Variants in CDH2 observed in about 807,000 individuals in gnomAD.
CDH2 encodes the protein cadherin 2, also known as cadherin-2.
A neutral mutation model predicts 92.0 loss-of-function variants in CDH2; 17 were observed. The ratio of observed to expected loss-of-function variants is 0.18; its 90% CI spans 0.13 to 0.28. The LOEUF (loss-of-function observed/expected upper bound fraction) is 0.28. CDH2 is among the 10% of genes least tolerant of loss of function. The pLI is 1.00. For missense variants in CDH2, 862 were observed against 1,133.1 expected, an observed-to-expected ratio of 0.76 and a Z score of 3.44; for synonymous variants, 419 against 415.9, an observed-to-expected ratio of 1.01 and a Z score of -0.09.
At chr18:28,135,812 T>A (rs1390533463) in intron 2 of CDH2, among the ~76,000 whole-genome samples, 1 of 152,156 alleles carries the variant, frequency 6.6e-6, no homozygotes, top group Non-Finnish European at 1.5e-5. Context: ...TTCATTAAGG[T>A]GGTCCATTAT....
At position 28,003,020 on chromosome 18, in the gene CDH2, C is replaced by T. The variant is rs1410496390; in HGVS notation, c.997G>A (p.Val333Met). The T allele has an allele frequency of 6.2e-7, 1 of 1,613,956 alleles. No homozygotes were observed. Among genetic ancestry groups the T allele is most frequent in the African/African-American group, 1.3e-5 (1 of 75,052 alleles). ...INNETGDIIT[V>M]AAGLDREKVQ... The stretch of plus-strand genomic sequence containing the variant: ...ACTTCTCGATCAAGTCCAGCTGCCA[C>T]TGTGATGATGTCACCAGTCTCATTG... The change falls in exon 7 of 16, where the codon GTG becomes ATG. Residue 333 changes from valine to methionine, a missense_variant. Physicochemically the swap from Val to Met is conservative, Grantham distance 21. Transcript: ENST00000269141.
At chr18:28,175,628 C>A (rs1038491230) in intron 1 of CDH2, among the ~76,000 whole-genome samples, 5 of 152,298 alleles carry the variant, frequency 3.3e-5, no homozygotes, top group Admixed American at 2.6e-4. Flanking sequence ...AGCACTCACC[C>A]CCCGGCGGGC....
At chr18:28,107,876 AG>A (rs1360630254) in intron 2 of CDH2, among the ~76,000 whole-genome samples, 1 of 152,202 alleles carries the variant, frequency 6.6e-6, no homozygotes, top group East Asian at 1.9e-4. Context: ...AAAGGAAAAA[AG>A]AAAAAAGAAA....
intron 2 of CDH2, among the ~76,000 whole-genome samples, chr18:28,121,850 G>A (rs577087628): frequency 2.0e-4 from 30 of 152,186 alleles, no homozygotes; most frequent in Admixed American, 9.2e-4. Context: ...CCCAAGCAGC[G>A]AAGTGAGCAG....
Position 27,952,113 on chromosome 18 carries a change from A to ATTGT in CDH2, c.*36_*39dup. ...ATGCTTTTTGGGAATATCAGTTGAA[A>ATTGT]TTGTTTGTACTTGTCCAAAAACCAA... On this transcript the variant is annotated 3_prime_UTR_variant, in exon 16 of 16. Transcript: ENST00000269141. 1.3e-6 allele frequency: 2 copies of ATTGT among 1,517,664 alleles called. No individual in the cohort carries two copies. Among genetic ancestry groups the ATTGT allele is most frequent in the Non-Finnish European group, 1.8e-6 (2 of 1,092,980 alleles). 94.0% of individuals were successfully genotyped at this position (1,517,664 alleles called of 1,614,324 possible).
At chr18:28,071,286 G>A (rs1357757107) in intron 2 of CDH2, among the ~76,000 whole-genome samples, 3 of 151,936 alleles carry the variant, frequency 2.0e-5, no homozygotes, top group Admixed American at 6.6e-5. Context: ...GGGAAAATAC[G>A]TATGTGCCGG....
In CDH2 at chr18:28,009,831, A is replaced by G; in HGVS notation, c.588T>C (p.Ser196=). The G allele has an allele frequency of 6.2e-7, 1 of 1,613,762 alleles. No homozygotes were observed. The highest frequency in any genetic ancestry group is 8.5e-7 in the Non-Finnish European group (1 of 1,179,880). ...GCTGGTCAGCTCCTGGCCCAGTTACACTGTACCGCAGTGAAAGGTTTTTAT... is the reference window on the plus strand; with the variant it reads ...GCTGGTCAGCTCCTGGCCCAGTTACGCTGTACCGCAGTGAAAGGTTTTTAT... ...DRDKNLSLRY[S]VTGPGADQPP... The change falls in exon 5 of 16, where the codon AGT becomes AGC. Residue 196 remains serine, a synonymous_variant. Transcript: ENST00000269141.
At chr18:28,085,442 C>T (rs1473644943) in intron 2 of CDH2, among the ~76,000 whole-genome samples, 2 of 152,012 alleles carry the variant, frequency 1.3e-5, no homozygotes, top group Non-Finnish European at 2.9e-5. Context: ...ACCTCAGTAT[C>T]CTCATTTCCA....
At chr18:28,122,021 G>C (rs898390137) in intron 2 of CDH2, among the ~76,000 whole-genome samples, 3 of 151,980 alleles carry the variant, frequency 2.0e-5, no homozygotes, top group Non-Finnish European at 4.4e-5. Context: ...ACATGGTGTT[G>C]GTGCCTCTGG....
rs2016560599 is a variant in CDH2 at position 28,177,088 on chromosome 18, G to A, written c.-66C>T. On this transcript the variant is annotated 5_prime_UTR_variant, in exon 1 of 16. Transcript: ENST00000269141. ...CGGCGGCGGCGGCGGCGGCGGAGGA[G>A]GAGGAGGCAGCGGCAGCACCAACAG... 4 of 1,268,246 alleles carry A rather than the reference G, an allele frequency of 3.2e-6. No individual in the cohort carries two copies. The highest frequency in any genetic ancestry group is 2.9e-5 in the East Asian group (1 of 34,694). 78.6% of individuals were successfully genotyped at this position (1,268,246 alleles called of 1,614,324 possible).
chr18:28,091,655 A>C (rs572906958), intron 2 of CDH2, among the ~76,000 whole-genome samples: 2 of 152,360 alleles, frequency 1.3e-5, no homozygotes, highest in South Asian at 4.1e-4. Context: ...TGAAGAAGCT[A>C]CCACTGGAAA....
chr18:28,086,423 A>ATTT (rs2014928934), intron 2 of CDH2, among the ~76,000 whole-genome samples: 2 of 152,040 alleles, frequency 1.3e-5, no homozygotes, highest in Non-Finnish European at 2.9e-5. Context: ...TTTTTAAGTA[A>ATTT]AAGGTCCATT....
intron 13 of CDH2, among the ~76,000 whole-genome samples, chr18:27,983,312 G>A (rs949028323): frequency 6.6e-6 from 1 of 152,132 alleles, no homozygotes; most frequent in African/African-American, 2.4e-5. Flanking sequence ...GGTGCCCTCT[G>A]CAAACTCACT....
chr18:28,057,865 G>C (rs2014324872), intron 2 of CDH2, among the ~76,000 whole-genome samples: 1 of 152,174 alleles, frequency 6.6e-6, no homozygotes, highest in African/African-American at 2.4e-5. Flanking sequence ...AGTTCTTAAA[G>C]TTTCCATTAT....
intron 14 of CDH2, among the ~76,000 whole-genome samples, chr18:27,968,373 G>GA (rs1252204013): frequency 6.6e-6 from 1 of 152,134 alleles, no homozygotes; most frequent in Non-Finnish European, 1.5e-5. Context: ...AGAAATGCAC[G>GA]AAAGAGTTTA....
chr18:28,006,142 G>A, intron 5 of CDH2, 149 bp from the exon 6 acceptor site: 2 of 612,198 alleles, frequency 3.3e-6, no homozygotes, highest in South Asian at 4.5e-5. Flanking sequence ...GTTACACCAA[G>A]TCCATATAAT....
intron 2 of CDH2, among the ~76,000 whole-genome samples, chr18:28,143,349 ATGAT>A (rs2015984325): frequency 6.6e-6 from 1 of 151,956 alleles, no homozygotes; most frequent in Admixed American, 6.6e-5. Flanking sequence ...ATGAAAATGT[ATGAT>A]TGCAGTTATT....
chr18:27,977,727 T>A (rs1277000402), intron 14 of CDH2, among the ~76,000 whole-genome samples: 2 of 152,166 alleles, frequency 1.3e-5, no homozygotes, highest in Non-Finnish European at 2.9e-5. Flanking sequence ...ATAAACAACA[T>A]GTGGTTCAGT....
intron 2 of CDH2, among the ~76,000 whole-genome samples, chr18:28,049,330 G>A (rs2014143380): frequency 6.6e-6 from 1 of 152,196 alleles, no homozygotes; most frequent in Non-Finnish European, 1.5e-5. Flanking sequence ...ACTGCCGATG[G>A]TTGCGATATG....
Sources: allele counts gnomAD v4.1 joint callset (sites outside exome capture counted in the v4.1 genomes callset), GRCh38; gene constraint gnomAD v4.1.1; transcripts MANE v1.5; gene names NCBI Gene and HGNC (gene_info 2026-07-23, HGNC 2026-07-21).